Variants in KIAA0825 observed in about 807,000 individuals in gnomAD.
The protein encoded by KIAA0825 is uncharacterized protein KIAA0825.
KIAA0825 carries 119 observed loss-of-function variants against 147.6 expected under a neutral mutation model. The ratio of observed to expected loss-of-function variants is 0.81; its 90% confidence interval spans 0.69 to 0.94. KIAA0825 has a LOEUF of 0.94. Among genes scored for constraint, KIAA0825 ranks in the 40% least tolerant of loss-of-function variants. The pLI is 0.00. For synonymous variants in KIAA0825, 470 were observed against 518.1 expected (o/e 0.91, Z 1.26); for missense variants, 1,381 against 1,472.7 (o/e 0.94, Z 1.02).
At chr5:94,377,732 C>T (rs1747791499) in intron 20 of KIAA0825, among the ~76,000 whole-genome samples, 1 of 152,102 alleles carries the variant, frequency 6.6e-6, no homozygotes, top group South Asian at 2.1e-4. Context: ...CAATAGCAAA[C>T]TTTCTAAATT....
At chr5:94,240,073 A>T (rs1002646325) in intron 20 of KIAA0825, among the ~76,000 whole-genome samples, 9 of 152,228 alleles carry the variant, frequency 5.9e-5, no homozygotes, top group Admixed American at 1.3e-4. Context: ...GCACTTTGCA[A>T]ATTAAAAGTG....
At position 94,414,218 on chromosome 5, in the gene KIAA0825, G is replaced by A. The variant is rs116570504; in HGVS notation, c.2662+2983C>T. ...CAAAAGTAAGCCCAATGCCATTATC[G>A]AGGAGCCAAGTAAACAATACTTTTT... On this transcript the variant is annotated intron_variant, in intron 15 of 20. Coordinates refer to ENST00000682413, the MANE Select transcript of KIAA0825 (RefSeq NM_001145678.3). 2.8e-3 allele frequency: 425 copies of A among 152,210 alleles called. 1 individual carries two copies. The highest frequency in any genetic ancestry group is 9.2e-3 in the African/African-American group (381 of 41,534). 9.4% of individuals were successfully genotyped at this position (152,210 alleles called of 1,614,324 possible).
chr5:94,615,012 T>C (rs1466347462), intron 1 of KIAA0825, among the ~76,000 whole-genome samples: 1 of 150,798 alleles, frequency 6.6e-6, no homozygotes, highest in Non-Finnish European at 1.5e-5. Flanking sequence ...CCATTTTACA[T>C]ATGAAAACAT....
At chr5:94,543,230 A>G (rs1773685217) in intron 2 of KIAA0825, among the ~76,000 whole-genome samples, 1 of 152,056 alleles carries the variant, frequency 6.6e-6, no homozygotes, top group Non-Finnish European at 1.5e-5. Flanking sequence ...GATCTCCTGC[A>G]GTTGGGAGTT....
chr5:94,343,483 G>A (rs544869542), intron 20 of KIAA0825, among the ~76,000 whole-genome samples: 2 of 152,134 alleles, frequency 1.3e-5, no homozygotes, highest in Non-Finnish European at 2.9e-5. Flanking sequence ...GAGGTCAGGA[G>A]GTAGAGACCA....
chr5:94,312,843 A>G (rs1779308609), intron 20 of KIAA0825, among the ~76,000 whole-genome samples: 1 of 151,670 alleles, frequency 6.6e-6, no homozygotes. Flanking sequence ...AACTCCTCCT[A>G]AATCAAATTA....
intron 20 of KIAA0825, among the ~76,000 whole-genome samples, chr5:94,316,545 C>T (rs1779678511): frequency 6.6e-6 from 1 of 151,674 alleles, no homozygotes; most frequent in Non-Finnish European, 1.5e-5. Flanking sequence ...TCAGAGTTCA[C>T]ATTGATGGCT....
chr5:94,330,960 C>T (rs903615128), intron 20 of KIAA0825, among the ~76,000 whole-genome samples: 2 of 151,934 alleles, frequency 1.3e-5, no homozygotes, highest in African/African-American at 2.4e-5. Flanking sequence ...CATTGTGAAA[C>T]CCCATCTCTA....
At chr5:94,338,498 A>C (rs868227778) in intron 20 of KIAA0825, among the ~76,000 whole-genome samples, 1 of 152,144 alleles carries the variant, frequency 6.6e-6, no homozygotes, top group Admixed American at 6.6e-5. Flanking sequence ...TATTTCAGTC[A>C]ATAATGAACT....
At chr5:94,162,567 A>T (rs944184564) in intron 20 of KIAA0825, among the ~76,000 whole-genome samples, 2 of 152,164 alleles carry the variant, frequency 1.3e-5, no homozygotes, top group Non-Finnish European at 1.5e-5. Flanking sequence ...CATTGGGATT[A>T]TAAGTGTCAG....
chr5:94,379,377 T>C (rs1748050345), intron 20 of KIAA0825, among the ~76,000 whole-genome samples: 1 of 152,220 alleles, frequency 6.6e-6, no homozygotes, highest in Non-Finnish European at 1.5e-5. Flanking sequence ...TACCCATTGC[T>C]TGTTTTTGTG....
chr5:94,496,721 A>G (rs1764403813), intron 5 of KIAA0825, among the ~76,000 whole-genome samples: 1 of 152,194 alleles, frequency 6.6e-6, no homozygotes, highest in Non-Finnish European at 1.5e-5. Context: ...TCTATGATGA[A>G]CATCTGAGTC....
intron 1 of KIAA0825, among the ~76,000 whole-genome samples, chr5:94,611,255 T>C (rs1287901653): frequency 6.6e-6 from 1 of 152,156 alleles, no homozygotes; most frequent in Non-Finnish European, 1.5e-5. Context: ...TCAAGTCACA[T>C]GTTTCCTGAG....
At chr5:94,305,955 C>G (rs1396583601) in intron 20 of KIAA0825, among the ~76,000 whole-genome samples, 1 of 151,772 alleles carries the variant, frequency 6.6e-6, no homozygotes, top group Non-Finnish European at 1.5e-5. Context: ...ACACTTAAAA[C>G]TTGTTTAGCT....
chr5:94,371,254 C>G (rs1256501758), intron 20 of KIAA0825, among the ~76,000 whole-genome samples: 4 of 152,132 alleles, frequency 2.6e-5, no homozygotes, highest in South Asian at 2.1e-4. Flanking sequence ...CCTCAAGGTA[C>G]ACTAAGGTAT....
intron 20 of KIAA0825, among the ~76,000 whole-genome samples, chr5:94,265,875 A>C (rs1351943980): frequency 6.6e-6 from 1 of 152,152 alleles, no homozygotes; most frequent in Non-Finnish European, 1.5e-5. Context: ...AGCAGCAAAA[A>C]CAAAATCAAT....
Position 94,471,611 on chromosome 5 carries a change from C to T in KIAA0825, c.1576G>A (p.Ala526Thr), listed in dbSNP as rs568787926. 6.4e-6 allele frequency: 10 copies of T among 1,552,000 alleles called. No homozygotes were observed. The African/African-American group carries it at 1.2e-4, about 19-fold the overall frequency. Reference protein sequence around the residue: ...LVEACCKVATAVLQRLQERAK... With the variant: ...LVEACCKVATTVLQRLQERAK... ...CTCTCTTGCAGTCTCTGCAGGACAG[C>T]TGTTGCCACTTTACAACAGGCCTCC... Residue 526 changes from alanine to threonine, a missense_variant, in exon 9 of 21, where the codon GCT (alanine) becomes ACT (threonine). Transcript: ENST00000682413.
At chr5:94,364,262 T>C (rs868781533) in intron 20 of KIAA0825, among the ~76,000 whole-genome samples, 1 of 151,182 alleles carries the variant, frequency 6.6e-6, no homozygotes, top group African/African-American at 2.4e-5. Context: ...CCTGAGTGGG[T>C]CTTCGACGGG....
At position 94,484,810 on chromosome 5, in the gene KIAA0825, T is replaced by C. The variant is rs1014587351; in HGVS notation, c.1091A>G (p.Asp364Gly). ...TATCTTGAGTGATAAAAGTATTTCG[T>C]CAAACAATTCTTGAACACCTTTTTC... is the stretch of plus-strand genomic sequence containing the variant. ...KLEKGVQELFDEILLSLKITR... is the reference protein window; with the variant it reads ...KLEKGVQELFGEILLSLKITR... The change falls in exon 6 of 21, where the codon GAC becomes GGC. Residue 364 changes from aspartate to glycine, a missense_variant. Asp to Gly is a moderately conservative substitution (Grantham distance 94, BLOSUM62 -1). Transcript: ENST00000682413. 4.9e-5 allele frequency: 75 copies of C among 1,520,172 alleles called. No homozygotes were observed. Among genetic ancestry groups the C allele is most frequent in the Non-Finnish European group, 6.4e-5 (72 of 1,125,980 alleles). The allele number at this position is 1,520,172 out of a possible 1,614,324, so 94.2% of individuals were successfully genotyped here. A position where few individuals can be genotyped will look rare whatever the true frequency, so the allele number is the denominator to read the frequency against.
Sources: allele counts gnomAD v4.1 joint callset (sites outside exome capture counted in the v4.1 genomes callset), GRCh38; gene constraint gnomAD v4.1.1; transcripts MANE v1.5; gene names NCBI Gene and HGNC (gene_info 2026-07-23, HGNC 2026-07-21).